The following NDRG3 variants were observed in gnomAD, a reference collection of about 807,000 sequenced individuals.
The protein encoded by NDRG3 is NDRG family member 3, also known as protein NDRG3.
In NDRG3, 23 loss-of-function variants were observed where a neutral mutation model predicts 57.2. The ratio of observed to expected loss-of-function variants is 0.40; its 90% CI spans 0.29 to 0.57. The LOEUF is 0.57. NDRG3 is among the 20% of genes least tolerant of loss of function. NDRG3 has a pLI of 0.42. For missense variants in NDRG3, 384 were observed against 457.3 expected, an observed-to-expected ratio of 0.84 and a Z score of 1.46; for synonymous variants, 132 against 162.6, an observed-to-expected ratio of 0.81 and a Z score of 1.43.
At chr20:36,675,529 G>A (rs2148071898) in intron 8 of NDRG3, among the ~76,000 whole-genome samples, 1 of 152,000 alleles carries the variant, frequency 6.6e-6, no homozygotes, top group East Asian at 1.9e-4. Context: ...TGGGATTATA[G>A]GCATGCGCCA....
At chr20:36,696,512 TGA>T (rs571575048) in intron 3 of NDRG3, among the ~76,000 whole-genome samples, 157 of 152,032 alleles carry the variant, frequency 1.0e-3, no homozygotes, top group African/African-American at 3.7e-3. Flanking sequence ...TTTCTTTTTT[TGA>T]GACGGAGTCT....
chr20:36,667,867 A>G (rs1979768271), intron 9 of NDRG3, among the ~76,000 whole-genome samples: 1 of 152,210 alleles, frequency 6.6e-6, no homozygotes, highest in Non-Finnish European at 1.5e-5. Context: ...CCTGAAACTG[A>G]AGGGTACGCG....
At chr20:36,735,242 C>T (rs900565027) in intron 1 of NDRG3, among the ~76,000 whole-genome samples, 6 of 152,174 alleles carry the variant, frequency 3.9e-5, no homozygotes, top group East Asian at 1.9e-4. Flanking sequence ...ATCCAAAATC[C>T]GAAGTGCTTC....
At chr20:36,665,958 G>T (rs1309589790) in intron 10 of NDRG3, among the ~76,000 whole-genome samples, 2 of 152,180 alleles carry the variant, frequency 1.3e-5, no homozygotes, top group South Asian at 2.1e-4. Context: ...GAGGAGGGGG[G>T]AGGGGTGTTT....
intron 3 of NDRG3, among the ~76,000 whole-genome samples, chr20:36,702,189 T>G: frequency 6.6e-6 from 1 of 151,978 alleles, no homozygotes; most frequent in Non-Finnish European, 1.5e-5. Context: ...CAGGCTGGAG[T>G]GCAGTGGCGT....
intron 9 of NDRG3, among the ~76,000 whole-genome samples, chr20:36,670,214 A>C (rs1980026053): frequency 6.6e-6 from 1 of 152,182 alleles, no homozygotes; most frequent in South Asian, 2.1e-4. Context: ...ATGAAACTAT[A>C]TACATCAGTA....
intron 3 of NDRG3, among the ~76,000 whole-genome samples, chr20:36,697,602 G>T (rs980950198): frequency 6.6e-6 from 1 of 152,048 alleles, no homozygotes; most frequent in Non-Finnish European, 1.5e-5. Context: ...CAGCTACTTG[G>T]GAGGTTGAGG....
chr20:36,730,746 G>A (rs573536351), intron 1 of NDRG3, among the ~76,000 whole-genome samples: 36 of 152,004 alleles, frequency 2.4e-4, no homozygotes, highest in Admixed American at 7.9e-4. Flanking sequence ...CCAGGAGTTC[G>A]AGACCAGCCT....
In NDRG3 at chr20:36,714,326, A is replaced by G. The variant is rs1036073292; in HGVS notation, c.58-7319T>C. On this transcript the variant is annotated intron_variant, in intron 2 of 15. Coordinates refer to ENST00000349004, the MANE Select transcript of NDRG3 (RefSeq NM_032013.4). ...AGGCTGAGGCAGGAGAATTGCTTGA[A>G]CTGGGGAGGCAGAGGTTGCAGTGAG... Among the ~76,000 whole-genome samples, 5 of 143,588 alleles carry G rather than the reference A, an allele frequency of 3.5e-5. No individual in the cohort carries two copies. In the East Asian group the frequency reaches 6.3e-4, roughly 18 times the overall value. The allele number at this position is 143,588 out of a possible 152,430, so 94.2% of individuals were successfully genotyped here.
intron 5 of NDRG3, among the ~76,000 whole-genome samples, chr20:36,684,865 T>A (rs1028488238): frequency 1.3e-5 from 2 of 150,584 alleles, no homozygotes; most frequent in African/African-American, 4.9e-5. Flanking sequence ...AAAAAAAAAA[T>A]CTTAGATAAA....
intron 2 of NDRG3, among the ~76,000 whole-genome samples, chr20:36,709,057 A>C (rs1323421265): frequency 1.3e-5 from 2 of 152,174 alleles, no homozygotes; most frequent in Non-Finnish European, 1.5e-5. Context: ...AAAAATAAGT[A>C]AATAACTAAA....
chr20:36,692,002 A>G (rs1982302791), intron 3 of NDRG3, among the ~76,000 whole-genome samples: 1 of 152,208 alleles, frequency 6.6e-6, no homozygotes, highest in African/African-American at 2.4e-5. Context: ...TCCACCTGTA[A>G]TAATAGCTTG....
At chr20:36,736,170 T>C (rs552958762) in intron 1 of NDRG3, among the ~76,000 whole-genome samples, 8 of 152,220 alleles carry the variant, frequency 5.3e-5, no homozygotes, top group African/African-American at 1.9e-4. Context: ...TGTTTAAAAC[T>C]TGGTCATGTT....
At chr20:36,689,590 T>A (rs923503058) in intron 3 of NDRG3, among the ~76,000 whole-genome samples, 1 of 152,088 alleles carries the variant, frequency 6.6e-6, no homozygotes, top group African/African-American at 2.4e-5. Flanking sequence ...TTCTGTGTCA[T>A]CCACACGTTA....
intron 1 of NDRG3, among the ~76,000 whole-genome samples, chr20:36,727,511 C>T (rs1400293844): frequency 6.6e-6 from 1 of 151,482 alleles, no homozygotes; most frequent in Admixed American, 6.6e-5. Flanking sequence ...TGAGCCACCG[C>T]ACCCAGCCTT....
At position 36,744,198 on chromosome 20, in the gene NDRG3, G is replaced by A. The variant is rs182444784; in HGVS notation, c.-49+1847C>T. On this transcript the variant is annotated intron_variant, in intron 1 of 15. Coordinates refer to ENST00000349004, the MANE Select transcript of NDRG3 (RefSeq NM_032013.4). ...ATTACAGGCGTGAGCCGCAGCGCCCGGTCCATAAACAGGCTTTTTGATGCA... is the reference window on the plus strand; with the variant it reads ...ATTACAGGCGTGAGCCGCAGCGCCCAGTCCATAAACAGGCTTTTTGATGCA... 2.7e-4 allele frequency among the ~76,000 whole-genome samples: 41 copies of A among 152,200 alleles called. 2 individuals are homozygous for A. In the South Asian group the frequency reaches 7.5e-3, roughly 28 times the overall value.
intron 2 of NDRG3, among the ~76,000 whole-genome samples, chr20:36,711,382 A>AT (rs1380650140): frequency 6.6e-6 from 1 of 152,194 alleles, no homozygotes; most frequent in Non-Finnish European, 1.5e-5. Flanking sequence ...TAAACAGACC[A>AT]TATTAGGGCT....
At chr20:36,716,098 C>T (rs1270122784) in intron 2 of NDRG3, among the ~76,000 whole-genome samples, 9 of 151,146 alleles carry the variant, frequency 6.0e-5, no homozygotes, top group Non-Finnish European at 1.2e-4. Context: ...TTGGCATAAA[C>T]GCTTTGGCTG....
chr20:36,677,034 C>G (rs1320928866), intron 8 of NDRG3, among the ~76,000 whole-genome samples: 1 of 152,226 alleles, frequency 6.6e-6, no homozygotes, highest in Non-Finnish European at 1.5e-5. Flanking sequence ...GCAGGATTTG[C>G]CTTCCCAGGT....
Sources: allele counts gnomAD v4.1 joint callset (sites outside exome capture counted in the v4.1 genomes callset), GRCh38; gene constraint gnomAD v4.1.1; transcripts MANE v1.5; gene names NCBI Gene and HGNC (gene_info 2026-07-23, HGNC 2026-07-21).